Variants in ARHGEF4 observed in about 807,000 individuals in gnomAD.
ARHGEF4 encodes the protein APC-stimulated guanine nucleotide exchange factor 1.
In ARHGEF4, 119 loss-of-function variants were observed where a neutral mutation model predicts 162.0. The ratio of observed to expected loss-of-function variants is 0.73; its 90% CI spans 0.63 to 0.86. The LOEUF (loss-of-function observed/expected upper bound fraction) is 0.86, where lower values mean the gene tolerates loss of function less well. Among genes scored for constraint, ARHGEF4 ranks in the 40% least tolerant of loss-of-function variants. The pLI, the probability that ARHGEF4 is intolerant of heterozygous loss-of-function variation, is 0.00. For synonymous variants in ARHGEF4, 1,014 were observed against 979.9 expected, an observed-to-expected ratio of 1.03 and a Z score of -0.65; for missense variants, 2,488 against 2,456.0, an observed-to-expected ratio of 1.01 and a Z score of -0.28.
chr2:130,874,722 A>G (rs1347152193), intron 1 of ARHGEF4, among the ~76,000 whole-genome samples: 1 of 152,158 alleles, frequency 6.6e-6, no homozygotes, highest in Non-Finnish European at 1.5e-5. Flanking sequence ...GGACAGCCAC[A>G]TGGAACATTG....
At chr2:130,972,218 G>C (rs1414471612) in intron 4 of ARHGEF4, among the ~76,000 whole-genome samples, 6 of 152,138 alleles carry the variant, frequency 3.9e-5, no homozygotes, top group African/African-American at 1.4e-4. Flanking sequence ...TACTCAGTAA[G>C]AATTTCCAAA....
At chr2:130,881,727 C>T (rs954687106) in intron 1 of ARHGEF4, among the ~76,000 whole-genome samples, 2 of 152,096 alleles carry the variant, frequency 1.3e-5, no homozygotes, top group Admixed American at 6.5e-5. Context: ...GAGGACCATC[C>T]TGGAGGGCGG....
chr2:130,906,906 A>G (rs575950763), intron 1 of ARHGEF4, among the ~76,000 whole-genome samples: 7 of 152,176 alleles, frequency 4.6e-5, no homozygotes, highest in African/African-American at 1.7e-4. Flanking sequence ...TTTAATTTGT[A>G]TAGAGTAAAA....
chr2:130,933,060 A>G (rs1181048190), intron 3 of ARHGEF4, among the ~76,000 whole-genome samples: 1 of 152,112 alleles, frequency 6.6e-6, no homozygotes, highest in Non-Finnish European at 1.5e-5. Context: ...TACTAAAAAT[A>G]CAAAAATTAG....
chr2:131,023,253 A>G (rs1689259473), intron 4 of ARHGEF4, among the ~76,000 whole-genome samples: 1 of 151,866 alleles, frequency 6.6e-6, no homozygotes, highest in South Asian at 2.1e-4. Flanking sequence ...ACATAGCGAG[A>G]CACCATCTCT....
Position 130,907,439 on chromosome 2 carries a change from G to A in ARHGEF4, c.40-6547G>A, listed in dbSNP as rs145302981. ...TCACCATGTTAGCCAGGATGGTCTC[G>A]ATCTCCTGACCTCGTGATCCGCCCA... On this transcript the variant is annotated intron_variant, in intron 1 of 13. Coordinates refer to ENST00000409359, the MANE Select transcript of ARHGEF4 (RefSeq NM_001367493.1). Among the ~76,000 whole-genome samples, 429 of 151,234 alleles carry A rather than the reference G, an allele frequency of 2.8e-3. 7 individuals are homozygous for A. Among genetic ancestry groups the A allele is most frequent in the African/African-American group, 9.4e-3 (389 of 41,320 alleles).
chr2:130,853,384 T>C (rs372716000), intron 1 of ARHGEF4, among the ~76,000 whole-genome samples: 2 of 152,182 alleles, frequency 1.3e-5, no homozygotes, highest in East Asian at 3.9e-4. Context: ...AGAGTTGTTT[T>C]TCAGACTTCC....
chr2:130,866,221 A>T (rs974518195), intron 1 of ARHGEF4, among the ~76,000 whole-genome samples: 2 of 152,012 alleles, frequency 1.3e-5, no homozygotes, highest in African/African-American at 4.8e-5. Flanking sequence ...CCAAAAAAAA[A>T]TTTGTTTTAA....
chr2:130,958,661 C>A (rs577197852), intron 4 of ARHGEF4, among the ~76,000 whole-genome samples: 2 of 152,188 alleles, frequency 1.3e-5, no homozygotes, highest in African/African-American at 4.8e-5. Flanking sequence ...CTGCCCAACT[C>A]AGCCTCCCAA....
rs759254456 is a variant in ARHGEF4 at position 131,046,123 on chromosome 2, G to A, written c.5565G>A (p.Ala1855=). ...CCCAGCAGCAGGTCCTGGTGCTGGC[G>A]GAGCCCAGGCGCAAGCCATCTACCT... ...NRPQQQVLVL[A]EPRRKPSTFW... Residue 1855 remains alanine (A), a synonymous_variant, in exon 14 of 14, where the codon GCG becomes GCA. Coordinates refer to ENST00000409359, the MANE Select transcript of ARHGEF4 (RefSeq NM_001367493.1). 21 of 1,612,866 alleles carry A rather than the reference G, an allele frequency of 1.3e-5. No homozygotes were observed. Among genetic ancestry groups the A allele is most frequent in the Admixed American group, 5.0e-5 (3 of 59,982 alleles).
At position 130,882,474 on chromosome 2, in the gene ARHGEF4, G is replaced by A. The variant is rs948459110; in HGVS notation, c.40-31512G>A. ...GGTGGGAGGGGTGAGTGAGCTTTCC[G>A]GTGGCTTTTTGCATAAAGGCACTAA... On this transcript the variant is annotated intron_variant, in intron 1 of 13. Transcript: ENST00000409359. 9.2e-5 allele frequency among the ~76,000 whole-genome samples: 14 copies of A among 152,102 alleles called. No homozygotes were observed. In the South Asian group the frequency reaches 2.3e-3, roughly 25 times the overall value.
chr2:130,903,047 G>A (rs539136778), intron 1 of ARHGEF4, among the ~76,000 whole-genome samples: 11 of 151,028 alleles, frequency 7.3e-5, no homozygotes, highest in Admixed American at 2.6e-4. Context: ...CTCATTCATC[G>A]AGGTTTTTTT....
At chr2:130,992,184 C>T (rs1436193709) in intron 4 of ARHGEF4, among the ~76,000 whole-genome samples, 2 of 152,146 alleles carry the variant, frequency 1.3e-5, no homozygotes, top group Non-Finnish European at 2.9e-5. Flanking sequence ...CCAATCAGCG[C>T]CCTGTCAAAA....
chr2:130,885,837 T>C (rs1679489711), intron 1 of ARHGEF4, among the ~76,000 whole-genome samples: 1 of 151,992 alleles, frequency 6.6e-6, no homozygotes, highest in South Asian at 2.1e-4. Context: ...CCCAAAGTAA[T>C]GGGACTACAG....
intron 1 of ARHGEF4, among the ~76,000 whole-genome samples, chr2:130,870,858 T>A (rs1382389245): frequency 1.3e-5 from 2 of 152,046 alleles, no homozygotes; most frequent in Non-Finnish European, 2.9e-5. Context: ...GCTGGCTGAC[T>A]CTTGGCTAGG....
chr2:130,967,626 C>T (rs964194395), intron 4 of ARHGEF4, among the ~76,000 whole-genome samples: 1 of 152,208 alleles, frequency 6.6e-6, no homozygotes, highest in African/African-American at 2.4e-5. Context: ...ATTTATTTAA[C>T]ACCTGTTGTG....
intron 11 of ARHGEF4, among the ~76,000 whole-genome samples, chr2:131,043,890 C>A (rs1321128930): frequency 6.6e-6 from 1 of 152,190 alleles, no homozygotes; most frequent in African/African-American, 2.4e-5. Flanking sequence ...CTCTCTCCAA[C>A]CCCGGAGTCC....
chr2:130,839,460 C>T (rs1011255833), intron 1 of ARHGEF4, among the ~76,000 whole-genome samples: 1 of 152,194 alleles, frequency 6.6e-6, no homozygotes, highest in African/African-American at 2.4e-5. Context: ...GACCCCAAGG[C>T]CCCAGGTGTG....
At chr2:130,926,810 A>ATTTTTTTTTTTTTTTTTTTTTTTT (rs55904944) in intron 2 of ARHGEF4, among the ~76,000 whole-genome samples, 1 of 48,948 alleles carries the variant, frequency 2.0e-5, no homozygotes, top group African/African-American at 6.9e-5. Flanking sequence ...CTTCTGGCTG[A>ATTTTTTTTTTTTTTTTTTTTTTTT]TTTTTTTTTT....
Sources: gnomAD v4.1 joint callset for allele counts (sites outside exome capture counted in the v4.1 genomes callset) on GRCh38, gnomAD v4.1.1 for gene constraint, MANE v1.5 for transcripts, NCBI Gene and HGNC (gene_info 2026-07-23, HGNC 2026-07-21) for gene names.